VIRMA: variants seen among roughly 807,000 people sequenced by gnomAD.
VIRMA encodes protein virilizer homolog.
VIRMA carries 65 observed loss-of-function variants against 182.4 expected under a neutral mutation model. The ratio of observed to expected loss-of-function variants is 0.36; its 90% confidence interval spans 0.29 to 0.44. VIRMA has a LOEUF of 0.44. Ranked by LOEUF, VIRMA falls within the 20% of genes least tolerant of loss-of-function variation. The pLI, the probability that VIRMA is intolerant of heterozygous loss-of-function variation, is 1.00. For synonymous variants in VIRMA, 709 were observed against 743.1 expected (o/e 0.95, Z 0.75); for missense variants, 1,752 against 2,158.1 (o/e 0.81, Z 3.73).
rs879162302 is a variant in VIRMA, at chr8:94,553,423, G to A, written c.25C>T (p.Leu9=). 1.2e-6 allele frequency: 2 copies of A among 1,614,066 alleles called. No homozygotes were observed. The highest frequency in any genetic ancestry group is 1.7e-6 in the Non-Finnish European group (2 of 1,180,046). Residue 9 remains leucine, a synonymous_variant, in exon 1 of 24, where the codon CTG becomes TTG. Transcript: ENST00000297591. ...TGTTTAAAAGTATCTAAAAATAACA[G>A]CTCCATCGCCGAGTCCACCGCCATG... MAVDSAME[L]LFLDTFKHPS... is the part of the protein sequence containing the mutation.
intron 23 of VIRMA, 30 bp from the exon 24 acceptor site, chr8:94,488,890 C>T: frequency 6.3e-7 from 1 of 1,597,362 alleles, no homozygotes; most frequent in Non-Finnish European, 8.5e-7. Flanking sequence ...GTTTTTAGTT[C>T]CAATGTCCTT....
In VIRMA at chr8:94,526,999, T is replaced by C. The variant is rs757896301; in HGVS notation, c.1245A>G (p.Leu415=). 1 of 1,614,194 alleles carries C rather than the reference T, an allele frequency of 6.2e-7. No individual in the cohort carries two copies. Among genetic ancestry groups the C allele is most frequent in the Non-Finnish European group, 8.5e-7 (1 of 1,180,000 alleles). ...EEIPSLIIKG[L]SYLQLKNTKQ... ...TTGTGTTTTTCAATTGCAAATAGCT[T>C]AACCCTTTTATTATTAAACTTGGAA... Residue 415 remains leucine (L), a synonymous_variant, in exon 8 of 24, where the codon TTA becomes TTG. Coordinates refer to ENST00000297591, the MANE Select transcript of VIRMA (RefSeq NM_015496.5).
At chr8:94,528,104 C>T (rs2381883) in intron 7 of VIRMA, among the ~76,000 whole-genome samples, 3 of 151,706 alleles carry the variant, frequency 2.0e-5, no homozygotes, top group East Asian at 1.9e-4. Context: ...CGTAGGGGTG[C>T]GTGCCTGTAA....
Position 94,519,337 on chromosome 8 carries a change from A to G in VIRMA, c.2161T>C (p.Phe721Leu), listed in dbSNP as rs773435769. The change falls in exon 9 of 24, where the codon TTT (phenylalanine) becomes CTT (leucine). Residue 721 changes from phenylalanine (F) to leucine (L), a missense_variant. Around this residue, in one of 11 missense-constraint regions of VIRMA, gnomAD observed 401 missense variants for 455.1 expected, o/e 0.88. Coordinates refer to ENST00000297591, the MANE Select transcript of VIRMA (RefSeq NM_015496.5). ...TTTGTTGCTTCATATTCCGACATAA[A>G]AAAAAGAAGACCCTTCTGTGACTGT... ...LAQSQKGLLF[F>L]MSEYEATNLL... 4 of 1,608,816 alleles carry G rather than the reference A, an allele frequency of 2.5e-6. No individual in the cohort carries two copies. The Admixed American group carries it at 6.8e-5, about 27-fold the overall frequency.
Position 94,511,455 on chromosome 8 carries a change from T to G in VIRMA, c.3120A>C (p.Leu1040Phe). The G allele has an allele frequency of 6.2e-7, 1 of 1,614,102 alleles. No individual in the cohort carries two copies. Among genetic ancestry groups the G allele is most frequent in the Non-Finnish European group, 8.5e-7 (1 of 1,180,016 alleles). The change falls in exon 13 of 24, where the codon TTA (leucine) becomes TTC (phenylalanine). Residue 1040 changes from leucine (L) to phenylalanine (F), a missense_variant. Coordinates refer to ENST00000297591, the MANE Select transcript of VIRMA (RefSeq NM_015496.5). ...DMRVPSALVT[L>F]HMLLCSIPLS... ...GGGGGATAGAGCACAGGAGCATATGTAAAGTAACAAGCGCTGAAGGAACAC... is the reference window on the plus strand; with the variant it reads ...GGGGGATAGAGCACAGGAGCATATGGAAAGTAACAAGCGCTGAAGGAACAC...
At chr8:94,507,976 T>C (rs1040085709) in intron 15 of VIRMA, among the ~76,000 whole-genome samples, 4 of 141,820 alleles carry the variant, frequency 2.8e-5, no homozygotes, top group Admixed American at 2.1e-4. Flanking sequence ...TGTGTATATA[T>C]GTATATATGT....
At chr8:94,544,263 A>G (rs1023879285) in intron 1 of VIRMA, among the ~76,000 whole-genome samples, 2 of 152,200 alleles carry the variant, frequency 1.3e-5, no homozygotes, top group Non-Finnish European at 2.9e-5. Flanking sequence ...TGATTTCTAG[A>G]AAGATAATAT....
intron 17 of VIRMA, 96 bp downstream of exon 17, chr8:94,499,278 G>A: frequency 1.2e-6 from 1 of 853,726 alleles, no homozygotes; most frequent in Non-Finnish European, 1.7e-6. Context: ...TGAGATTACA[G>A]ATGTGAGCCA....
chr8:94,551,794 A>G (rs148700544), intron 1 of VIRMA, among the ~76,000 whole-genome samples: 52 of 152,254 alleles, frequency 3.4e-4, no homozygotes, highest in Admixed American at 6.5e-4. Flanking sequence ...GTGTGATCTT[A>G]GCTCACTGCA....
chr8:94,499,457 C>A lies in VIRMA; in HGVS notation c.4147G>T (p.Val1383Phe). The A allele has an allele frequency of 1.2e-6, 2 of 1,610,536 alleles. No individual in the cohort carries two copies. Among genetic ancestry groups the A allele is most frequent in the Non-Finnish European group, 1.7e-6 (2 of 1,178,190 alleles). ...SALHSLLKRV[V>F]STFSKDTGEL... ...CCTGTGTCCTTACTAAATGTGCTGA[C>A]CACTCGTTTCAGTAAACTATGCAGA... The change falls in exon 17 of 24, where the codon GTC becomes TTC. Residue 1383 changes from valine to phenylalanine, a missense_variant. This residue lies in a region of VIRMA where 777 missense variants were observed against 920.6 expected (regional missense o/e 0.84). Transcript: ENST00000297591.
intron 2 of VIRMA, among the ~76,000 whole-genome samples, chr8:94,542,444 T>C (rs1292277357): frequency 6.6e-6 from 1 of 152,214 alleles, no homozygotes; most frequent in Admixed American, 6.5e-5. Context: ...TGAAAGAACC[T>C]GAGCCAGCTA....
chr8:94,511,402 T>C lies in VIRMA; in HGVS notation c.3173A>G (p.Gln1058Arg). The change falls in exon 13 of 24, where the codon CAG becomes CGG. Residue 1058 changes from glutamine (Q) to arginine (R), a missense_variant. Transcript: ENST00000297591. Reference sequence around the variant, plus strand: ...ATCAATGATATCATTCTGAATTTTCTGTTCATCACTATCCAAACGACCTGA... The same window carrying C: ...ATCAATGATATCATTCTGAATTTTCCGTTCATCACTATCCAAACGACCTGA... ...PLSGRLDSDE[Q>R]KIQNDIIDIL... 1.2e-6 allele frequency: 2 copies of C among 1,614,098 alleles called. No individual in the cohort carries two copies. Among genetic ancestry groups the C allele is most frequent in the Middle Eastern group, 1.7e-4 (1 of 6,058 alleles).
At chr8:94,542,641 G>C (rs957649177) in intron 2 of VIRMA, among the ~76,000 whole-genome samples, 2 of 152,096 alleles carry the variant, frequency 1.3e-5, no homozygotes, top group African/African-American at 4.8e-5. Context: ...TCTACACAAA[G>C]CTCCCTTTAC....
intron 8 of VIRMA, among the ~76,000 whole-genome samples, chr8:94,523,955 G>A (rs542714188): frequency 2.0e-5 from 3 of 149,482 alleles, no homozygotes; most frequent in Admixed American, 6.7e-5. Flanking sequence ...ACCAAAGCCC[G>A]GCTAGTTTTT....
At chr8:94,512,507 T>C (rs1452866362) in intron 11 of VIRMA, 1 of 152,400 alleles carries the variant, frequency 6.6e-6, no homozygotes, top group Admixed American at 6.5e-5. Flanking sequence ...CTGAGTGCAG[T>C]GGCTCACACC....
intron 15 of VIRMA, among the ~76,000 whole-genome samples, chr8:94,507,276 T>C (rs1222492491): frequency 4.0e-5 from 6 of 151,418 alleles, no homozygotes; most frequent in African/African-American, 9.7e-5. Flanking sequence ...GCTGGGATTA[T>C]AGGAATGCAG....
chr8:94,511,122 A>C, intron 13 of VIRMA, 63 bp downstream of exon 13: 1 of 1,555,036 alleles, frequency 6.4e-7, no homozygotes, highest in East Asian at 2.3e-5. Flanking sequence ...TAACAAAATC[A>C]CTGGCTTTTT....
intron 10 of VIRMA, among the ~76,000 whole-genome samples, chr8:94,516,060 A>G (rs1264110476): frequency 6.6e-6 from 1 of 151,764 alleles, no homozygotes; most frequent in Non-Finnish European, 1.5e-5. Flanking sequence ...GTGAGCCGAG[A>G]TCACACCACT....
intron 11 of VIRMA, among the ~76,000 whole-genome samples, 195 bp downstream of exon 11, chr8:94,514,674 G>C (rs1035906093): frequency 6.6e-6 from 1 of 152,188 alleles, no homozygotes; most frequent in Non-Finnish European, 1.5e-5. Flanking sequence ...AGGGTTATGT[G>C]CACGTGTGTT....
Sources: gnomAD v4.1 joint callset for allele counts (sites outside exome capture counted in the v4.1 genomes callset) on GRCh38, gnomAD v4.1.1 for gene constraint, gnomAD v4.1.1 regional missense constraint, MANE v1.5 for transcripts, NCBI Gene and HGNC (gene_info 2026-07-23, HGNC 2026-07-21) for gene names.